Variants in CYFIP1 observed in about 807,000 individuals in gnomAD.
The protein encoded by CYFIP1 is cytoplasmic FMR1-interacting protein 1.
Under a neutral mutation model 163.5 loss-of-function variants are expected in CYFIP1, and 58 were observed. That is an observed-to-expected ratio of 0.35 (90% CI 0.29 to 0.44). The LOEUF is 0.44. CYFIP1 is among the 20% of genes least tolerant of loss of function. The pLI, the probability that CYFIP1 is intolerant of heterozygous loss-of-function variation, is 1.00. For missense variants in CYFIP1, 1,338 were observed against 1,653.8 expected (o/e 0.81, Z 3.31); for synonymous variants, 663 against 660.7 (o/e 1.00, Z -0.05).
chr15:22,923,362 G>A (rs893915432), intron 13 of CYFIP1, among the ~76,000 whole-genome samples: 11 of 152,120 alleles, frequency 7.2e-5, no homozygotes, highest in Non-Finnish European at 1.2e-4. Flanking sequence ...ATAAGAAGAC[G>A]TTTAACATCC....
intron 21 of CYFIP1, among the ~76,000 whole-genome samples, chr15:22,907,803 C>T (rs1350560408): frequency 6.6e-6 from 1 of 152,274 alleles, no homozygotes; most frequent in Non-Finnish European, 1.5e-5. Flanking sequence ...CACTGAGGTC[C>T]CCCTGTGGCT....
chr15:22,944,336 T>C (rs1443702877), intron 5 of CYFIP1, among the ~76,000 whole-genome samples: 2 of 148,932 alleles, frequency 1.3e-5, no homozygotes, highest in African/African-American at 5.0e-5. Context: ...AAACATAAAA[T>C]CACTCTCAGA....
At chr15:22,897,930 G>A (rs1234248348) in intron 22 of CYFIP1, among the ~76,000 whole-genome samples, 1 of 152,186 alleles carries the variant, frequency 6.6e-6, no homozygotes, top group African/African-American at 2.4e-5. Context: ...TGTGGTTTCA[G>A]GAGCTGTTTC....
At chr15:22,963,564 A>ATAACATAACATAACATAACATAAC (rs2062780706) in intron 1 of CYFIP1, among the ~76,000 whole-genome samples, 8 of 139,542 alleles carry the variant, frequency 5.7e-5, no homozygotes, top group East Asian at 4.7e-4. Context: ...CATAAGAAAG[A>ATAACATAACATAACATAACATAAC]ATGAAATATC....
chr15:22,875,890 A>ACATACATATATATATATATATATG (rs1595491064), intron 26 of CYFIP1, among the ~76,000 whole-genome samples: 1 of 133,024 alleles, frequency 7.5e-6, no homozygotes, highest in African/African-American at 3.2e-5. Flanking sequence ...AATAACATAT[A>ACATACATATATATATATATATATG]TATATATAAA....
rs1209377060 is a variant in CYFIP1 at position 22,869,399 on chromosome 15, G to A, written c.*629C>T. On this transcript the variant is annotated 3_prime_UTR_variant, in exon 31 of 31. Transcript: ENST00000617928. ...CTCCATCCCAGCTGGCCTGGTATGT[G>A]AGTTCAGGTTAGAGTTCCTTGCCAA... 4 of 152,222 alleles carry A rather than the reference G, an allele frequency of 2.6e-5. No homozygotes were observed. The highest frequency in any genetic ancestry group is 5.9e-5 in the Non-Finnish European group (4 of 68,092). 9.4% of individuals were successfully genotyped at this position (152,222 alleles called of 1,614,324 possible). A position where few individuals can be genotyped will look rare whatever the true frequency, so the allele number is the denominator to read the frequency against.
intron 12 of CYFIP1, among the ~76,000 whole-genome samples, chr15:22,926,425 C>G (rs1480072614): frequency 2.0e-5 from 3 of 152,144 alleles, no homozygotes; most frequent in Admixed American, 2.0e-4. Flanking sequence ...ATGACCCCAG[C>G]ACTTGGGAGG....
chr15:22,931,286 G>C (rs892055106), intron 11 of CYFIP1, among the ~76,000 whole-genome samples: 1 of 152,220 alleles, frequency 6.6e-6, no homozygotes, highest in Non-Finnish European at 1.5e-5. Flanking sequence ...CATGCCAGCA[G>C]TGCTGGCTCG....
At chr15:22,897,347 T>TG (rs1351882802) in intron 22 of CYFIP1, among the ~76,000 whole-genome samples, 4 of 151,862 alleles carry the variant, frequency 2.6e-5, no homozygotes, top group African/African-American at 9.7e-5. Flanking sequence ...TTGAATGTCT[T>TG]GGGGGGCAGG....
chr15:22,947,115 C>T (rs1021500673), intron 2 of CYFIP1, 23 bp from the exon 3 acceptor site: 3 of 1,614,012 alleles, frequency 1.9e-6, no homozygotes, highest in Non-Finnish European at 2.5e-6. Flanking sequence ...AAGAGAAAAA[C>T]ATCATGTGGG....
intron 1 of CYFIP1, among the ~76,000 whole-genome samples, chr15:22,965,999 G>A (rs2062888583): frequency 6.6e-6 from 1 of 152,092 alleles, no homozygotes; most frequent in African/African-American, 2.4e-5. Flanking sequence ...AGATAATTAA[G>A]TTAAAATGAA....
At chr15:22,911,132 C>T (rs1566959872) in intron 18 of CYFIP1, among the ~76,000 whole-genome samples, 1 of 151,988 alleles carries the variant, frequency 6.6e-6, no homozygotes. Context: ...CTTGAACTCA[C>T]ACCACTGCAC....
At chr15:22,877,799 A>C (rs1337967820) in intron 26 of CYFIP1, among the ~76,000 whole-genome samples, 1 of 152,206 alleles carries the variant, frequency 6.6e-6, no homozygotes, top group Non-Finnish European at 1.5e-5. Context: ...AACCACCAGG[A>C]GAGGGTCTGC....
chr15:22,904,115 C>T, intron 21 of CYFIP1: 2 of 602,420 alleles, frequency 3.3e-6, no homozygotes, highest in Admixed American at 2.9e-5. Flanking sequence ...CCTTTCTCCA[C>T]TGCAGTCACC....
At chr15:22,877,616 C>T (rs2059623342) in intron 26 of CYFIP1, among the ~76,000 whole-genome samples, 1 of 152,188 alleles carries the variant, frequency 6.6e-6, no homozygotes, top group Non-Finnish European at 1.5e-5. Context: ...AGAGCAGGGC[C>T]ACCCTGGACA....
chr15:22,949,860 A>G (rs948704121), intron 1 of CYFIP1, among the ~76,000 whole-genome samples: 1 of 152,038 alleles, frequency 6.6e-6, no homozygotes, highest in Non-Finnish European at 1.5e-5. Context: ...AAAGCTGTAC[A>G]GCCAGGCGCT....
intron 9 of CYFIP1, among the ~76,000 whole-genome samples, chr15:22,935,458 A>G (rs1045676932): frequency 6.6e-6 from 1 of 152,244 alleles, no homozygotes; most frequent in Admixed American, 6.5e-5. Context: ...AAAAGGAGAC[A>G]GAATGCTTCT....
At position 22,869,958 on chromosome 15, in the gene CYFIP1, A is replaced by G. The variant is rs550789504; in HGVS notation, c.*70T>C. ...ACAGAGATACTGAAAAATAGTCCCT[A>G]AAAATCTCACTAAATAGTTTACGGA... On this transcript the variant is annotated 3_prime_UTR_variant, in exon 31 of 31. Transcript: ENST00000617928. The G allele has an allele frequency of 4.4e-5, 62 of 1,414,720 alleles. No individual in the cohort carries two copies. In the Middle Eastern group the frequency reaches 8.6e-4, roughly 20 times the overall value. 87.6% of individuals were successfully genotyped at this position (1,414,720 alleles called of 1,614,324 possible). A position where few individuals can be genotyped will look rare whatever the true frequency, so the allele number is the denominator to read the frequency against.
intron 9 of CYFIP1, among the ~76,000 whole-genome samples, chr15:22,936,553 C>T (rs1469028425): frequency 1.3e-5 from 2 of 152,132 alleles, no homozygotes; most frequent in East Asian, 1.9e-4. Context: ...CTGATGGGAA[C>T]GGAGATCAGG....
Sources: allele counts gnomAD v4.1 joint callset (sites outside exome capture counted in the v4.1 genomes callset), GRCh38; gene constraint gnomAD v4.1.1; transcripts MANE v1.5; gene names NCBI Gene and HGNC (gene_info 2026-07-23, HGNC 2026-07-21).